Variants in KCNJ3 observed in about 807,000 individuals in gnomAD.
KCNJ3 encodes the protein G protein-activated inward rectifier potassium channel 1.
Under a neutral mutation model 39.2 loss-of-function variants are expected in KCNJ3, and 4 were observed. The ratio of observed to expected loss-of-function variants is 0.10; its 90% confidence interval spans 0.05 to 0.23. KCNJ3 has a LOEUF of 0.23. Ranked by LOEUF, KCNJ3 falls within the 10% of genes least tolerant of loss-of-function variation. The pLI is 1.00. For synonymous variants in KCNJ3, 230 were observed against 237.4 expected (o/e 0.97, Z 0.29); for missense variants, 276 against 634.9 (o/e 0.43, Z 6.08).
intron 2 of KCNJ3, among the ~76,000 whole-genome samples, chr2:154,829,856 G>T (rs769054159): frequency 6.6e-6 from 1 of 151,974 alleles, no homozygotes. Flanking sequence ...TCTTATTGTG[G>T]TTTTGATTTT....
chr2:154,710,213 G>A (rs1311131749), intron 2 of KCNJ3, among the ~76,000 whole-genome samples: 3 of 152,084 alleles, frequency 2.0e-5, no homozygotes, highest in African/African-American at 7.2e-5. Flanking sequence ...TGGGGATGGT[G>A]ATTTGGGGTG....
intron 2 of KCNJ3, among the ~76,000 whole-genome samples, chr2:154,772,514 T>C (rs1046212146): frequency 6.6e-6 from 1 of 152,210 alleles, no homozygotes; most frequent in African/African-American, 2.4e-5. Context: ...ACACAAGTAC[T>C]ATAAAATCTA....
At chr2:154,717,604 G>T in intron 2 of KCNJ3, among the ~76,000 whole-genome samples, 1 of 152,034 alleles carries the variant, frequency 6.6e-6, no homozygotes, top group East Asian at 1.9e-4. Context: ...AAGTTCTGTA[G>T]GCTACTTAAA....
intron 2 of KCNJ3, among the ~76,000 whole-genome samples, chr2:154,842,041 G>A (rs957610512): frequency 3.3e-5 from 5 of 151,790 alleles, no homozygotes; most frequent in Admixed American, 6.6e-5. Flanking sequence ...TTAGGGTGTC[G>A]ATCTTAGATC....
chr2:154,741,199 G>T (rs1685648777), intron 2 of KCNJ3, among the ~76,000 whole-genome samples: 2 of 151,834 alleles, frequency 1.3e-5, no homozygotes, highest in Admixed American at 1.3e-4. Flanking sequence ...GAATCTGATT[G>T]TAAGAAAGAT....
chr2:154,778,484 T>G (rs1686377644), intron 2 of KCNJ3, among the ~76,000 whole-genome samples: 1 of 152,088 alleles, frequency 6.6e-6, no homozygotes, highest in South Asian at 2.1e-4. Context: ...AGGAAGTGTG[T>G]TCTACAATAT....
At chr2:154,713,982 G>A (rs1685142683) in intron 2 of KCNJ3, among the ~76,000 whole-genome samples, 1 of 152,094 alleles carries the variant, frequency 6.6e-6, no homozygotes. Flanking sequence ...TCTCCACCTA[G>A]TCTATTAAAA....
intron 2 of KCNJ3, among the ~76,000 whole-genome samples, chr2:154,821,255 A>G (rs1687167833): frequency 6.6e-6 from 1 of 152,050 alleles, no homozygotes; most frequent in Non-Finnish European, 1.5e-5. Flanking sequence ...AAAAAGCCCA[A>G]ATTTCTCTCT....
chr2:154,792,935 G>C lies in KCNJ3; in HGVS notation c.920-61792G>C, dbSNP rs929630377. 7.2e-5 allele frequency among the ~76,000 whole-genome samples: 11 copies of C among 152,040 alleles called. 1 individual carries two copies. The highest frequency in any genetic ancestry group is 6.6e-4 in the Admixed American group (10 of 15,232). On this transcript the variant is annotated intron_variant, in intron 2 of 2. Transcript: ENST00000295101. ...AATGTTTATCACAAATCCCTAGGAT[G>C]AATCTTAAAAAAGATGTCTACAACA...
At chr2:154,710,326 G>T (rs574097180) in intron 2 of KCNJ3, among the ~76,000 whole-genome samples, 2 of 152,036 alleles carry the variant, frequency 1.3e-5, no homozygotes, top group African/African-American at 4.8e-5. Context: ...TTTTAATATC[G>T]AAGTGGGTCA....
intron 2 of KCNJ3, among the ~76,000 whole-genome samples, chr2:154,734,126 C>G (rs1261123762): frequency 2.6e-5 from 4 of 152,158 alleles, no homozygotes; most frequent in African/African-American, 9.7e-5. Flanking sequence ...AATAAATCTA[C>G]TTCTAACAGA....
At chr2:154,810,277 T>G (rs1191662799) in intron 2 of KCNJ3, among the ~76,000 whole-genome samples, 3 of 152,058 alleles carry the variant, frequency 2.0e-5, no homozygotes, top group Non-Finnish European at 2.9e-5. Flanking sequence ...GGAGATGGGA[T>G]TTCACCGTGT....
At chr2:154,781,891 T>A (rs1686445528) in intron 2 of KCNJ3, among the ~76,000 whole-genome samples, 1 of 152,172 alleles carries the variant, frequency 6.6e-6, no homozygotes, top group Admixed American at 6.5e-5. Context: ...ATAATTACAT[T>A]TATTCAGTGT....
intron 2 of KCNJ3, among the ~76,000 whole-genome samples, chr2:154,774,252 GAGCTAGTTTATTCAA>G (rs1558870733): frequency 6.6e-6 from 1 of 152,104 alleles, no homozygotes; most frequent in African/African-American, 2.4e-5. Flanking sequence ...TTATAGAATA[GAGCTAGTTTATTCAA>G]ATAAAAACCA....
intron 2 of KCNJ3, among the ~76,000 whole-genome samples, chr2:154,842,589 G>C (rs964683577): frequency 6.6e-6 from 1 of 152,100 alleles, no homozygotes; most frequent in African/African-American, 2.4e-5. Flanking sequence ...CTCTTTTTAG[G>C]TCTCTAAGGA....
chr2:154,771,138 G>A lies in KCNJ3; in HGVS notation c.919+61319G>A, dbSNP rs77904582. Among the ~76,000 whole-genome samples the A allele has an allele frequency of 2.6e-3, 402 of 151,970 alleles. 8 individuals are homozygous for A. The East Asian group carries it at 0.067, about 26-fold the overall frequency. On this transcript the variant is annotated intron_variant, in intron 2 of 2. Transcript: ENST00000295101. ...ACTCCTGACCTCAAGTGATCTGCCC[G>A]CCTCGGCCTCCCAGAGTGCTGAGAT...
intron 2 of KCNJ3, among the ~76,000 whole-genome samples, chr2:154,822,865 T>C (rs1472524289): frequency 2.0e-5 from 3 of 152,044 alleles, no homozygotes; most frequent in South Asian, 4.2e-4. Flanking sequence ...TTCTAAATGC[T>C]TTTAGCTGAC....
Position 154,854,194 on chromosome 2 carries a change from A to G in KCNJ3, c.920-533A>G, listed in dbSNP as rs140859798. Among the ~76,000 whole-genome samples, 466 of 152,306 alleles carry G rather than the reference A, an allele frequency of 3.1e-3. 2 individuals are homozygous for G. The highest frequency in any genetic ancestry group is 5.9e-3 in the Admixed American group (90 of 15,292). On this transcript the variant is annotated intron_variant, in intron 2 of 2. Transcript: ENST00000295101. ...CACTTATTGTAGATATTATATGACA[A>G]ATTTTACATTTCTGTATATGTTATT...
At chr2:154,767,348 A>C (rs970108793) in intron 2 of KCNJ3, among the ~76,000 whole-genome samples, 2 of 149,378 alleles carry the variant, frequency 1.3e-5, no homozygotes, top group Non-Finnish European at 3.0e-5. Context: ...CCCCCACCCC[A>C]TGACAGGCCC....
Sources: allele counts gnomAD v4.1 joint callset (sites outside exome capture counted in the v4.1 genomes callset), GRCh38; gene constraint gnomAD v4.1.1; transcripts MANE v1.5; gene names NCBI Gene and HGNC (gene_info 2026-07-23, HGNC 2026-07-21).